The following DNER variants were observed in gnomAD, a reference collection of about 807,000 sequenced individuals.
DNER encodes the protein delta/notch like EGF repeat containing.
A neutral mutation model predicts 78.2 loss-of-function variants in DNER; 33 were observed. That is an observed-to-expected ratio of 0.42 (90% CI 0.32 to 0.56). The LOEUF (loss-of-function observed/expected upper bound fraction) is 0.56, where lower values mean the gene tolerates loss of function less well. Among genes scored for constraint, DNER ranks in the 20% least tolerant of loss-of-function variants. The pLI is 0.11. For missense variants in DNER, 918 were observed against 975.3 expected (o/e 0.94, Z 0.78); for synonymous variants, 417 against 384.8 (o/e 1.08, Z -0.98).
intron 2 of DNER, among the ~76,000 whole-genome samples, chr2:229,590,811 C>T (rs1023809707): frequency 6.6e-6 from 1 of 152,184 alleles, no homozygotes; most frequent in African/African-American, 2.4e-5. Flanking sequence ...CTTCAAATCT[C>T]ATGTTGAAAT....
chr2:229,374,070 A>G (rs1044229015), intron 11 of DNER, among the ~76,000 whole-genome samples: 2 of 152,160 alleles, frequency 1.3e-5, no homozygotes, highest in African/African-American at 4.8e-5. Context: ...TGGAAGCCTG[A>G]GGCACAAGAA....
chr2:229,397,254 C>T (rs909791694), intron 10 of DNER, among the ~76,000 whole-genome samples: 2 of 151,992 alleles, frequency 1.3e-5, no homozygotes, highest in African/African-American at 4.8e-5. Context: ...ACCCAAGGAA[C>T]AACATGATTG....
At chr2:229,609,048 C>A (rs1362338493) in intron 1 of DNER, among the ~76,000 whole-genome samples, 1 of 152,062 alleles carries the variant, frequency 6.6e-6, no homozygotes, top group Non-Finnish European at 1.5e-5. Context: ...CATGGTGAAA[C>A]CCCATCTCTA....
chr2:229,599,437 A>AT (rs5839340), intron 1 of DNER, among the ~76,000 whole-genome samples: 5 of 151,704 alleles, frequency 3.3e-5, no homozygotes, highest in East Asian at 1.9e-4. Context: ...GAATTGGATA[A>AT]TTTTTTTTAT....
At chr2:229,507,337 A>T (rs1293664431) in intron 6 of DNER, among the ~76,000 whole-genome samples, 1 of 152,212 alleles carries the variant, frequency 6.6e-6, no homozygotes, top group Non-Finnish European at 1.5e-5. Context: ...CATGTACATG[A>T]CTATACTTCT....
intron 10 of DNER, among the ~76,000 whole-genome samples, chr2:229,388,604 T>G (rs1166507583): frequency 4.1e-5 from 1 of 24,428 alleles, no homozygotes; most frequent in African/African-American, 2.3e-4. Flanking sequence ...TATATATATA[T>G]ATATATATAT....
At chr2:229,377,294 T>G (rs1298127655) in intron 11 of DNER, among the ~76,000 whole-genome samples, 3 of 152,216 alleles carry the variant, frequency 2.0e-5, no homozygotes, top group Non-Finnish European at 2.9e-5. Context: ...TAGATTCAAC[T>G]GTTTAATATA....
intron 1 of DNER, among the ~76,000 whole-genome samples, chr2:229,630,268 G>A (rs1184768503): frequency 1.3e-5 from 2 of 152,070 alleles, no homozygotes; most frequent in African/African-American, 4.8e-5. Context: ...CGGAGGTCAG[G>A]AGTTTGAGAC....
rs1394962607 is a variant in DNER, at chr2:229,358,309, A to G, written c.*231T>C. ...AGTGAAAAGAGCACACACTAGTAGA[A>G]GCACACAGTTTAGAGAGCTGAAGGT... On this transcript the variant is annotated 3_prime_UTR_variant, in exon 13 of 13. Transcript: ENST00000341772. 1 of 300,778 alleles carries G rather than the reference A, an allele frequency of 3.3e-6. No individual in the cohort carries two copies. Among genetic ancestry groups the G allele is most frequent in the African/African-American group, 2.2e-5 (1 of 46,008 alleles). 18.6% of individuals were successfully genotyped at this position (300,778 alleles called of 1,614,324 possible).
chr2:229,703,699 T>C (rs1051675650), intron 1 of DNER, among the ~76,000 whole-genome samples: 4 of 152,100 alleles, frequency 2.6e-5, no homozygotes, highest in Admixed American at 6.5e-5. Context: ...GGCAACATGG[T>C]GAAACCCCAC....
intron 5 of DNER, among the ~76,000 whole-genome samples, chr2:229,517,661 C>T (rs931956526): frequency 1.3e-5 from 2 of 152,164 alleles, no homozygotes; most frequent in African/African-American, 2.4e-5. Context: ...CGTCAAATCC[C>T]GTGGGATGGT....
intron 4 of DNER, among the ~76,000 whole-genome samples, chr2:229,574,263 A>C (rs138416909): frequency 6.6e-6 from 1 of 152,334 alleles, no homozygotes; most frequent in East Asian, 1.9e-4. Flanking sequence ...AAATCATCCG[A>C]GAAGACACAA....
rs879669395 is a variant in DNER at position 229,422,489 on chromosome 2, T to TG, written c.1487-4260dup. On this transcript the variant is annotated intron_variant, in intron 8 of 12. Coordinates refer to ENST00000341772, the MANE Select transcript of DNER (RefSeq NM_139072.4). Reference sequence around the variant, plus strand: ...TGACGGGGCACAGCAACCAACCAGATGGGGGGAGTGAGAAAGAGCGGTGGA... The same window carrying TG: ...TGACGGGGCACAGCAACCAACCAGATGGGGGGGAGTGAGAAAGAGCGGTGGA... Among the ~76,000 whole-genome samples, 3 of 151,758 alleles carry TG rather than the reference T, an allele frequency of 2.0e-5. No homozygotes were observed. The East Asian group carries it at 5.8e-4, about 29-fold the overall frequency.
intron 10 of DNER, among the ~76,000 whole-genome samples, chr2:229,389,893 C>T (rs1196837883): frequency 2.6e-5 from 4 of 152,120 alleles, no homozygotes; most frequent in African/African-American, 9.7e-5. Flanking sequence ...TTTCCTGCAA[C>T]AAATATTGTC....
chr2:229,697,008 G>T (rs962818594), intron 1 of DNER, among the ~76,000 whole-genome samples: 4 of 152,072 alleles, frequency 2.6e-5, no homozygotes, highest in African/African-American at 9.7e-5. Flanking sequence ...ATAACCAAAA[G>T]AATTAAAAAC....
At chr2:229,624,967 T>A (rs1698311527) in intron 1 of DNER, among the ~76,000 whole-genome samples, 1 of 152,230 alleles carries the variant, frequency 6.6e-6, no homozygotes, top group African/African-American at 2.4e-5. Context: ...AAGCAAAATC[T>A]CCTAAAGTAT....
intron 5 of DNER, among the ~76,000 whole-genome samples, chr2:229,529,600 A>C (rs1377071542): frequency 1.3e-5 from 2 of 152,206 alleles, no homozygotes; most frequent in East Asian, 3.8e-4. Context: ...TCCATTACTC[A>C]CACCTGTAGT....
At chr2:229,676,416 T>G (rs1158680597) in intron 1 of DNER, among the ~76,000 whole-genome samples, 2 of 152,230 alleles carry the variant, frequency 1.3e-5, no homozygotes, top group African/African-American at 4.8e-5. Flanking sequence ...AAAATACATC[T>G]GGCAAGTGCT....
At chr2:229,699,164 T>G (rs2154217602) in intron 1 of DNER, among the ~76,000 whole-genome samples, 1 of 152,322 alleles carries the variant, frequency 6.6e-6, no homozygotes, top group South Asian at 2.1e-4. Context: ...ACTTGGTGAT[T>G]GTAACAAAAT....
Sources: gnomAD v4.1 joint callset for allele counts (sites outside exome capture counted in the v4.1 genomes callset) on GRCh38, gnomAD v4.1.1 for gene constraint, MANE v1.5 for transcripts, NCBI Gene and HGNC (gene_info 2026-07-23, HGNC 2026-07-21) for gene names.